Variants in SNX9 observed in about 807,000 individuals in gnomAD.
The protein encoded by SNX9 is sorting nexin 9.
SNX9 carries 44 observed loss-of-function variants against 89.4 expected under a neutral mutation model. That is an observed-to-expected ratio of 0.49 (90% CI 0.39 to 0.63). The LOEUF (loss-of-function observed/expected upper bound fraction) is 0.63. Ranked by LOEUF, SNX9 falls within the 30% of genes least tolerant of loss-of-function variation. The pLI is 0.00. For synonymous variants in SNX9, 236 were observed against 247.8 expected, an observed-to-expected ratio of 0.95 and a Z score of 0.45; for missense variants, 578 against 736.1, an observed-to-expected ratio of 0.79 and a Z score of 2.49.
At chr6:157,843,356 C>T (rs527255465) in intron 1 of SNX9, among the ~76,000 whole-genome samples, 10 of 152,262 alleles carry the variant, frequency 6.6e-5, no homozygotes, top group African/African-American at 1.9e-4. Context: ...GACTGGAAGC[C>T]TTATAACGCA....
intron 4 of SNX9, among the ~76,000 whole-genome samples, chr6:157,879,033 G>A (rs149523453): frequency 4.6e-5 from 7 of 152,314 alleles, no homozygotes; most frequent in Admixed American, 3.3e-4. Context: ...TGTCATACAG[G>A]TGTGGTCAGA....
chr6:157,824,035 C>G (rs1009308781), intron 1 of SNX9, among the ~76,000 whole-genome samples: 4 of 152,196 alleles, frequency 2.6e-5, no homozygotes, highest in African/African-American at 9.6e-5. Context: ...GTTTTGCTAC[C>G]TTTTCATTGT....
intron 4 of SNX9, among the ~76,000 whole-genome samples, chr6:157,891,666 C>G (rs1312447155): frequency 1.3e-5 from 2 of 152,202 alleles, no homozygotes; most frequent in Non-Finnish European, 2.9e-5. Flanking sequence ...CCCCGTGATT[C>G]ACTGGTGGGA....
intron 1 of SNX9, among the ~76,000 whole-genome samples, chr6:157,860,022 T>C (rs1335273717): frequency 6.6e-6 from 1 of 152,214 alleles, no homozygotes; most frequent in Non-Finnish European, 1.5e-5. Context: ...ATCCATTTGT[T>C]TATATATTGT....
intron 1 of SNX9, among the ~76,000 whole-genome samples, chr6:157,855,061 G>A (rs1224835336): frequency 6.6e-6 from 1 of 151,672 alleles, no homozygotes; most frequent in African/African-American, 2.4e-5. Context: ...CTCAGGGGCA[G>A]TGTTACCCAT....
chr6:157,848,246 A>G (rs1781841447), intron 1 of SNX9, among the ~76,000 whole-genome samples: 2 of 152,206 alleles, frequency 1.3e-5, no homozygotes. Flanking sequence ...ATATAAACAT[A>G]CCGGCTACCT....
chr6:157,886,862 T>G (rs1052212473), intron 4 of SNX9, among the ~76,000 whole-genome samples: 2 of 152,224 alleles, frequency 1.3e-5, no homozygotes, highest in Admixed American at 1.3e-4. Context: ...ATAATGTGTT[T>G]TGTTTTTTTT....
intron 1 of SNX9, among the ~76,000 whole-genome samples, chr6:157,847,396 C>T (rs1331406699): frequency 2.0e-5 from 3 of 152,110 alleles, no homozygotes; most frequent in Non-Finnish European, 4.4e-5. Context: ...AGCCACTGCG[C>T]CCAGCCTTGT....
Position 157,908,705 on chromosome 6 carries a change from C to T in SNX9, c.706-960C>T, listed in dbSNP as rs543357131. 2.0e-5 allele frequency among the ~76,000 whole-genome samples: 3 copies of T among 152,240 alleles called. No individual in the cohort carries two copies. In the East Asian group the frequency reaches 5.8e-4, roughly 29 times the overall value. ...GTTTGGGACAGCAGACCTATTGTCA[C>T]CTAGCAGTGCCTAGAAGAAATGATC... On this transcript the variant is annotated intron_variant, in intron 7 of 17. Coordinates refer to ENST00000392185, the MANE Select transcript of SNX9 (RefSeq NM_016224.5).
chr6:157,842,693 GT>G (rs1482997237), intron 1 of SNX9, among the ~76,000 whole-genome samples: 4 of 152,194 alleles, frequency 2.6e-5, no homozygotes, highest in African/African-American at 9.7e-5. Flanking sequence ...CTGTTCCTGG[GT>G]TGGATGGCAG....
At chr6:157,885,830 T>C (rs1421323262) in intron 4 of SNX9, among the ~76,000 whole-genome samples, 1 of 152,196 alleles carries the variant, frequency 6.6e-6, no homozygotes, top group African/African-American at 2.4e-5. Flanking sequence ...TGTACTGACC[T>C]GAAGTGGACG....
chr6:157,897,558 A>G (rs559960422), intron 5 of SNX9, among the ~76,000 whole-genome samples: 1 of 152,232 alleles, frequency 6.6e-6, no homozygotes, highest in African/African-American at 2.4e-5. Flanking sequence ...CCCAGGCTGG[A>G]GTGCAGTGGC....
intron 6 of SNX9, among the ~76,000 whole-genome samples, chr6:157,902,756 G>T (rs1438158520): frequency 6.6e-6 from 1 of 152,136 alleles, no homozygotes. Flanking sequence ...CAACCCCAAC[G>T]TCCCGGGTTC....
intron 10 of SNX9, 69 bp from the exon 11 acceptor site, chr6:157,927,042 T>A: frequency 8.4e-7 from 1 of 1,191,484 alleles, no homozygotes; most frequent in Non-Finnish European, 1.3e-6. Flanking sequence ...GAGCTGGTCC[T>A]GTTTGGGAAT....
intron 4 of SNX9, among the ~76,000 whole-genome samples, chr6:157,886,343 T>C (rs1782736012): frequency 6.6e-6 from 1 of 152,224 alleles, no homozygotes; most frequent in African/African-American, 2.4e-5. Flanking sequence ...TGGTCAGCAG[T>C]TGCTAATTAG....
intron 11 of SNX9, among the ~76,000 whole-genome samples, 185 bp downstream of exon 11, chr6:157,927,399 G>A (rs1039192205): frequency 5.9e-5 from 9 of 152,214 alleles, no homozygotes; most frequent in South Asian, 2.1e-4. Flanking sequence ...CTTTCTAACC[G>A]CAACATCAAA....
At chr6:157,900,114 C>T (rs1445244709) in intron 5 of SNX9, among the ~76,000 whole-genome samples, 1 of 152,146 alleles carries the variant, frequency 6.6e-6, no homozygotes, top group Non-Finnish European at 1.5e-5. Context: ...CCCCTGGTAA[C>T]CACCTTTCTA....
intron 1 of SNX9, 81 bp from the exon 2 acceptor site, chr6:157,867,466 G>C: frequency 9.0e-7 from 1 of 1,109,734 alleles, no homozygotes; most frequent in South Asian, 1.5e-5. Context: ...AGCATGCTTA[G>C]AAAGTGAACT....
chr6:157,846,714 A>G (rs1781813370), intron 1 of SNX9, among the ~76,000 whole-genome samples: 1 of 152,202 alleles, frequency 6.6e-6, no homozygotes, highest in Non-Finnish European at 1.5e-5. Context: ...ACCTTACACA[A>G]TAATTCATGG....
Sources: allele counts gnomAD v4.1 joint callset (sites outside exome capture counted in the v4.1 genomes callset), GRCh38; gene constraint gnomAD v4.1.1; transcripts MANE v1.5; gene names NCBI Gene and HGNC (gene_info 2026-07-23, HGNC 2026-07-21).